Variants in TMPRSS3 observed in about 807,000 individuals in gnomAD.
TMPRSS3 encodes the protein transmembrane serine protease 3, also known as transmembrane protease serine 3.
Under a neutral mutation model 59.6 loss-of-function variants are expected in TMPRSS3, and 55 were observed. That is an observed-to-expected ratio of 0.92 (90% confidence interval 0.74 to 1.16). TMPRSS3 has a LOEUF of 1.16. TMPRSS3 is among the 50% of genes most tolerant of loss of function. TMPRSS3 has a pLI of 0.00. For synonymous variants in TMPRSS3, 257 were observed against 237.7 expected, an observed-to-expected ratio of 1.08 and a Z score of -0.75; for missense variants, 596 against 579.4, an observed-to-expected ratio of 1.03 and a Z score of -0.29.
At position 42,385,406 on chromosome 21, in the gene TMPRSS3, T is replaced by C; in HGVS notation, c.572+3A>G. On this transcript the variant is annotated splice_donor_region_variant and intron_variant, in intron 6 of 12. Coordinates refer to ENST00000644384, the MANE Select transcript of TMPRSS3 (RefSeq NM_001256317.3). ...CAGACAACAGCATCGCCTGACCACC[T>C]ACCTCACATATACTGAGTGGTGTAA... The C allele has an allele frequency of 6.2e-7, 1 of 1,613,938 alleles. No individual in the cohort carries two copies. The highest frequency in any genetic ancestry group is 1.1e-5 in the South Asian group (1 of 91,074).
chr21:42,375,073 GCAGCTGCCAGGGTCC>G (rs1304440935), intron 12 of TMPRSS3, among the ~76,000 whole-genome samples: 1 of 152,054 alleles, frequency 6.6e-6, no homozygotes, highest in Non-Finnish European at 1.5e-5. Flanking sequence ...CTGCCAGCAC[GCAGCTGCCAGGGTCC>G]CAGCGAAGCC....
At chr21:42,385,006 T>A (rs1243049121) in intron 6 of TMPRSS3, among the ~76,000 whole-genome samples, 1 of 152,084 alleles carries the variant, frequency 6.6e-6, no homozygotes, top group Non-Finnish European at 1.5e-5. Flanking sequence ...TCTTAATTTC[T>A]GTTTTTCTTC....
intron 7 of TMPRSS3, chr21:42,383,723 C>T (rs2052576547): frequency 1.4e-6 from 1 of 695,506 alleles, no homozygotes; most frequent in Admixed American, 2.0e-5. Flanking sequence ...GATGGGACAT[C>T]ATGGGCCTTG....
chr21:42,386,911 T>G (rs2052643361), intron 5 of TMPRSS3, among the ~76,000 whole-genome samples: 1 of 152,154 alleles, frequency 6.6e-6, no homozygotes, highest in South Asian at 2.1e-4. Context: ...AAATAAATCT[T>G]AGAAACTGAA....
In TMPRSS3 at chr21:42,372,782, A is replaced by G. The variant is rs765491598; in HGVS notation, c.1345-3T>C. 5.0e-6 allele frequency: 8 copies of G among 1,613,916 alleles called. No individual in the cohort carries two copies. Among genetic ancestry groups the G allele is most frequent in the South Asian group, 3.3e-5 (3 of 91,080 alleles). On this transcript the variant is annotated splice_region_variant and splice_polypyrimidine_tract_variant and intron_variant, in intron 12 of 12. Coordinates refer to ENST00000644384, the MANE Select transcript of TMPRSS3 (RefSeq NM_001256317.3). Reference sequence around the variant, plus strand: ...CCTCTTCAGGTTTTTAGGTCTCTCTATAAATGAAAACAAAGGCGTTATTGT... The same window carrying G: ...CCTCTTCAGGTTTTTAGGTCTCTCTGTAAATGAAAACAAAGGCGTTATTGT...
Position 42,388,924 on chromosome 21 carries a change from C to T in TMPRSS3, c.322+5G>A. The T allele has an allele frequency of 6.2e-7, 1 of 1,613,214 alleles. No individual in the cohort carries two copies. The highest frequency in any genetic ancestry group is 8.5e-7 in the Non-Finnish European group (1 of 1,179,244). On this transcript the variant is annotated splice_donor_5th_base_variant and intron_variant, in intron 4 of 12. Transcript: ENST00000644384. The surrounding 1 kb of genome is among the most constrained non-coding windows in gnomAD (Gnocchi z 5.1). Reference sequence around the variant, plus strand: ...GTTTCCCCAGGGGAAGAGCCATGACCTTACCACAGCGGTACTCGTCCTCCC... The same window carrying T: ...GTTTCCCCAGGGGAAGAGCCATGACTTTACCACAGCGGTACTCGTCCTCCC...
At chr21:42,395,281 G>A (rs772997105) in intron 2 of TMPRSS3, 43 bp downstream of exon 2, 7 of 1,527,974 alleles carry the variant, frequency 4.6e-6, no homozygotes, top group Middle Eastern at 2.1e-4. Flanking sequence ...CCTACATGAG[G>A]GTATGGGCAG....
At position 42,388,585 on chromosome 21, in the gene TMPRSS3, G is replaced by A; in HGVS notation, c.323-59C>T. On this transcript the variant is annotated intron_variant, in intron 4 of 12. Transcript: ENST00000644384. The surrounding 1 kb of genome is among the most constrained non-coding windows in gnomAD (Gnocchi z 5.1). Reference sequence around the variant, plus strand: ...GGCCAGTGGAACCCTGAGACCATAGGCAGGGGTTTCTCCACAGCCAGCTCA... The same window carrying A: ...GGCCAGTGGAACCCTGAGACCATAGACAGGGGTTTCTCCACAGCCAGCTCA... The A allele has an allele frequency of 2.5e-6, 4 of 1,612,868 alleles. No individual in the cohort carries two copies. Among genetic ancestry groups the A allele is most frequent in the South Asian group, 1.1e-5 (1 of 91,028 alleles).
At chr21:42,379,435 C>G (rs1391513971) in intron 10 of TMPRSS3, among the ~76,000 whole-genome samples, 1 of 152,170 alleles carries the variant, frequency 6.6e-6, no homozygotes, top group South Asian at 2.1e-4. Context: ...AATGCTGGGA[C>G]TACAGGTGTG....
chr21:42,375,978 C>T lies in TMPRSS3; in HGVS notation c.1192-110G>A, dbSNP rs1036662151. 7 of 1,405,760 alleles carry T rather than the reference C, an allele frequency of 5.0e-6. No individual in the cohort carries two copies. The African/African-American group carries it at 9.8e-5, about 20-fold the overall frequency. The allele number at this position is 1,405,760 out of a possible 1,614,324, so 87.1% of individuals were successfully genotyped here. A position where few individuals can be genotyped will look rare whatever the true frequency, so the allele number is the denominator to read the frequency against. ...TGCTTGCTATGGAGTTGGGACCCCCCTTCATGATGTCCCAATGGATGACCC... is the reference window on the plus strand; with the variant it reads ...TGCTTGCTATGGAGTTGGGACCCCCTTTCATGATGTCCCAATGGATGACCC... On this transcript the variant is annotated intron_variant, in intron 11 of 12. Transcript: ENST00000644384.
At chr21:42,385,732 T>C (rs2052624770) in intron 5 of TMPRSS3, among the ~76,000 whole-genome samples, 198 bp from the exon 6 acceptor site, 1 of 152,216 alleles carries the variant, frequency 6.6e-6, no homozygotes, top group Non-Finnish European at 1.5e-5. Flanking sequence ...GCCTGCTGTG[T>C]TCTGGGATGA....
chr21:42,385,873 G>T lies in TMPRSS3; in HGVS notation c.447-339C>A, dbSNP rs117058664. 0.012 allele frequency among the ~76,000 whole-genome samples: 1,901 copies of T among 152,210 alleles called. 23 individuals are homozygous for T. The highest frequency in any genetic ancestry group is 0.04 in the South Asian group (191 of 4,816). On this transcript the variant is annotated intron_variant, in intron 5 of 12. Coordinates refer to ENST00000644384, the MANE Select transcript of TMPRSS3 (RefSeq NM_001256317.3). Reference sequence around the variant, plus strand: ...ATTCCAGTGAAATGCCTTTTGCTTGGCCTGAAGCAAGTCCAGAGGGGAGGT... The same window carrying T: ...ATTCCAGTGAAATGCCTTTTGCTTGTCCTGAAGCAAGTCCAGAGGGGAGGT...
At chr21:42,383,345 G>C in intron 7 of TMPRSS3, 147 bp from the exon 8 acceptor site, 2 of 840,600 alleles carry the variant, frequency 2.4e-6, no homozygotes, top group Admixed American at 2.1e-5. Flanking sequence ...GTGCTGCAAG[G>C]GGGAGCTCAG....
chr21:42,392,181 A>G (rs774402357), intron 2 of TMPRSS3, among the ~76,000 whole-genome samples: 2 of 152,216 alleles, frequency 1.3e-5, no homozygotes, highest in Non-Finnish European at 2.9e-5. Flanking sequence ...AGAGCTAAAA[A>G]GATCTTTCCC....
At position 42,380,136 on chromosome 21, in the gene TMPRSS3, C is replaced by G; in HGVS notation, c.1029G>C (p.Trp343Cys). 2.5e-6 allele frequency: 4 copies of G among 1,614,130 alleles called. No individual in the cohort carries two copies. The highest frequency in any genetic ancestry group is 3.4e-6 in the Non-Finnish European group (4 of 1,179,986). Residue 343 changes from tryptophan to cysteine, a missense_variant, in exon 10 of 13, where the codon TGG becomes TGC. Transcript: ENST00000644384. The part of the protein sequence containing the change: ...PDGKVCWTSG[W>C]GATEDGGDAS... ...ACTGACCTCCATCCTCTGTGGCCCC[C>G]CATCCTGACGTCCAGCACACTTTTC...
At chr21:42,382,643 C>T in intron 8 of TMPRSS3, 1 of 395,602 alleles carries the variant, frequency 2.5e-6, no homozygotes, top group Non-Finnish European at 4.8e-6. Flanking sequence ...AGAAGAGACC[C>T]AGTACCTGGC....
At chr21:42,395,793 G>T in intron 1 of TMPRSS3, 149 bp downstream of exon 1, 1 of 402,184 alleles carries the variant, frequency 2.5e-6, no homozygotes, top group South Asian at 1.9e-5. Context: ...TTTAGAAGTT[G>T]CCATATTGCT....
At position 42,372,025 on chromosome 21, in the gene TMPRSS3, G is replaced by A. The variant is rs556767717; in HGVS notation, c.*737C>T. 9 of 454,490 alleles carry A rather than the reference G, an allele frequency of 2.0e-5. No homozygotes were observed. In the East Asian group the frequency reaches 5.5e-4, roughly 28 times the overall value. The allele number at this position is 454,490 out of a possible 1,614,324, so 28.2% of individuals were successfully genotyped here. A position where few individuals can be genotyped will look rare whatever the true frequency, so the allele number is the denominator to read the frequency against. On this transcript the variant is annotated 3_prime_UTR_variant, in exon 13 of 13. Coordinates refer to ENST00000644384, the MANE Select transcript of TMPRSS3 (RefSeq NM_001256317.3). The stretch of plus-strand genomic sequence containing the variant: ...CTCCCCACATGTGAAAATAAGTCTT[G>A]GAAGTAGAAAGGGTGGGTTTGGTTC...
chr21:42,395,627 C>T (rs1367333335), intron 1 of TMPRSS3, 159 bp from the exon 2 acceptor site: 13 of 483,872 alleles, frequency 2.7e-5, no homozygotes, highest in South Asian at 1.1e-4. Context: ...AATGCATTTT[C>T]GTCTGAGCTA....
Sources: gnomAD v4.1 joint callset for allele counts (sites outside exome capture counted in the v4.1 genomes callset) on GRCh38, gnomAD v4.1.1 for gene constraint, Gnocchi (gnomAD v3.1) non-coding constraint, MANE v1.5 for transcripts, NCBI Gene and HGNC (gene_info 2026-07-23, HGNC 2026-07-21) for gene names.